MAGI2: variants seen among roughly 807,000 people sequenced by gnomAD.
MAGI2 encodes membrane associated guanylate kinase, WW and PDZ domain containing 2.
A neutral mutation model predicts 133.3 loss-of-function variants in MAGI2; 35 were observed. That is an observed-to-expected ratio of 0.26 (90% CI 0.20 to 0.35). MAGI2 has a LOEUF of 0.35. Ranked by LOEUF, MAGI2 falls within the 10% of genes least tolerant of loss-of-function variation. MAGI2 has a pLI of 1.00. For synonymous variants in MAGI2, 729 were observed against 710.6 expected, an observed-to-expected ratio of 1.03 and a Z score of -0.41; for missense variants, 1,636 against 1,863.4, an observed-to-expected ratio of 0.88 and a Z score of 2.25.
At chr7:78,418,050 T>C (rs1025182745) in intron 6 of MAGI2, among the ~76,000 whole-genome samples, 4 of 152,108 alleles carry the variant, frequency 2.6e-5, no homozygotes, top group African/African-American at 7.2e-5. Context: ...TTGTTTATCA[T>C]GTCTGCCAAG....
chr7:79,335,776 C>T (rs996661552), intron 1 of MAGI2, among the ~76,000 whole-genome samples: 3 of 152,018 alleles, frequency 2.0e-5, no homozygotes, highest in Non-Finnish European at 4.4e-5. Context: ...TAGTGCATTA[C>T]TCTCACATAT....
At chr7:78,247,039 C>T (rs1319440798) in intron 10 of MAGI2, among the ~76,000 whole-genome samples, 1 of 152,170 alleles carries the variant, frequency 6.6e-6, no homozygotes. Flanking sequence ...AACCCCGGAC[C>T]TCAGTTTCAC....
At chr7:78,314,892 T>C (rs923971026) in intron 9 of MAGI2, among the ~76,000 whole-genome samples, 1 of 152,196 alleles carries the variant, frequency 6.6e-6, no homozygotes, top group Admixed American at 6.5e-5. Flanking sequence ...GTTGTTTCTA[T>C]TAGAGGATAG....
intron 1 of MAGI2, among the ~76,000 whole-genome samples, chr7:79,448,817 A>C (rs1043218836): frequency 6.6e-6 from 1 of 152,186 alleles, no homozygotes; most frequent in Non-Finnish European, 1.5e-5. Context: ...AAACATGCCA[A>C]AAGATTAAAC....
intron 3 of MAGI2, among the ~76,000 whole-genome samples, chr7:78,527,040 A>AG (rs1484631033): frequency 6.6e-6 from 1 of 150,504 alleles, no homozygotes; most frequent in Non-Finnish European, 1.5e-5. Context: ...AAAAAGAAAA[A>AG]GAAAAAAAGA....
intron 1 of MAGI2, among the ~76,000 whole-genome samples, chr7:79,309,983 A>G (rs2129560525): frequency 6.8e-6 from 1 of 146,026 alleles, no homozygotes; most frequent in Admixed American, 6.8e-5. Flanking sequence ...AAAAAAAAAA[A>G]GAAAAGAAAA....
intron 1 of MAGI2, among the ~76,000 whole-genome samples, chr7:79,283,593 G>T (rs550767022): frequency 6.6e-6 from 1 of 152,046 alleles, no homozygotes; most frequent in Non-Finnish European, 1.5e-5. Context: ...ATTAGTTCAG[G>T]TGGAATATGT....
chr7:79,164,021 C>G (rs2129547971), intron 1 of MAGI2, among the ~76,000 whole-genome samples: 1 of 152,116 alleles, frequency 6.6e-6, no homozygotes, highest in Middle Eastern at 3.4e-3. Context: ...CTGCCATTAT[C>G]CAAATTGCTG....
intron 1 of MAGI2, among the ~76,000 whole-genome samples, chr7:79,117,940 T>G (rs1819550169): frequency 6.6e-6 from 1 of 152,210 alleles, no homozygotes; most frequent in African/African-American, 2.4e-5. Flanking sequence ...CATATTCAAC[T>G]ATTCACTGCT....
At chr7:78,783,598 C>T (rs1826569344) in intron 2 of MAGI2, among the ~76,000 whole-genome samples, 1 of 152,136 alleles carries the variant, frequency 6.6e-6, no homozygotes, top group African/African-American at 2.4e-5. Flanking sequence ...TGGAGCTTTG[C>T]CCCCTGTAGA....
chr7:78,323,415 C>T (rs565675729), intron 9 of MAGI2, among the ~76,000 whole-genome samples: 17 of 152,274 alleles, frequency 1.1e-4, no homozygotes, highest in African/African-American at 1.7e-4. Context: ...CTTGAGAAGA[C>T]ATCAACCCTC....
At chr7:78,163,460 A>G (rs1410828483) in intron 15 of MAGI2, among the ~76,000 whole-genome samples, 1 of 152,046 alleles carries the variant, frequency 6.6e-6, no homozygotes, top group African/African-American at 2.4e-5. Flanking sequence ...TTTTTAGGGT[A>G]AGCTGTTTCG....
At chr7:78,863,570 C>A (rs1192765247) in intron 2 of MAGI2, among the ~76,000 whole-genome samples, 1 of 152,228 alleles carries the variant, frequency 6.6e-6, no homozygotes, top group Non-Finnish European at 1.5e-5. Flanking sequence ...CAAATGCCTG[C>A]CATTAGGCCC....
At chr7:78,189,698 A>G (rs1306570083) in intron 12 of MAGI2, among the ~76,000 whole-genome samples, 1 of 152,202 alleles carries the variant, frequency 6.6e-6, no homozygotes, top group African/African-American at 2.4e-5. Context: ...AGTTTCAGGA[A>G]ATAAGAATTT....
intron 2 of MAGI2, among the ~76,000 whole-genome samples, chr7:78,804,748 C>CAAAAAAAAAAAAAAAAAAAAAAAA (rs373472835): frequency 3.1e-5 from 3 of 97,726 alleles, no homozygotes; most frequent in African/African-American, 9.4e-5. Flanking sequence ...GACTCTGTCT[C>CAAAAAAAAAAAAAAAAAAAAAAAA]AAAAAAAAAA....
At chr7:79,009,656 A>G (rs188937045) in intron 1 of MAGI2, among the ~76,000 whole-genome samples, 1 of 152,160 alleles carries the variant, frequency 6.6e-6, no homozygotes, top group African/African-American at 2.4e-5. Flanking sequence ...CATGGATCAC[A>G]GTGGTCTGGA....
At chr7:78,031,810 C>A (rs1809597085) in intron 21 of MAGI2, among the ~76,000 whole-genome samples, 1 of 152,138 alleles carries the variant, frequency 6.6e-6, no homozygotes, top group Admixed American at 6.5e-5. Context: ...ATGAATTACT[C>A]AGAGGATATT....
rs1019471789 is a variant in MAGI2 at position 78,187,305 on chromosome 7, A to T, written c.2270-1635T>A. Among the ~76,000 whole-genome samples the T allele has an allele frequency of 2.0e-5, 3 of 152,130 alleles. 1 individual carries two copies. The highest frequency in any genetic ancestry group is 2.0e-4 in the Admixed American group (3 of 15,254). On this transcript the variant is annotated intron_variant, in intron 12 of 21. Transcript: ENST00000354212. Reference sequence around the variant, plus strand: ...CATTATTATTATTTTGGTCTATAAAATTATATATTTATGATATATAATCAT... The same window carrying T: ...CATTATTATTATTTTGGTCTATAAATTTATATATTTATGATATATAATCAT...
rs540244497 is a variant in MAGI2 at position 78,398,065 on chromosome 7, TGTGA to T, written c.1046-28856_1046-28853del. Among the ~76,000 whole-genome samples, 463 of 152,276 alleles carry T rather than the reference TGTGA, an allele frequency of 3.0e-3. 2 individuals carry two copies. The highest frequency in any genetic ancestry group is 0.01 in the African/African-American group (425 of 41,556). ...ATCCTTCAGGAAGCTGAATTATGTG[TGTGA>T]GTGTGTGTGCTGTGTGAGAAAAGGC... is the stretch of plus-strand genomic sequence containing the variant. On this transcript the variant is annotated intron_variant, in intron 6 of 21. Transcript: ENST00000354212.
Sources: allele counts gnomAD v4.1 joint callset (sites outside exome capture counted in the v4.1 genomes callset), GRCh38; gene constraint gnomAD v4.1.1; transcripts MANE v1.5; gene names NCBI Gene and HGNC (gene_info 2026-07-23, HGNC 2026-07-21).